The following SART3 variants were observed in gnomAD, a reference collection of about 807,000 sequenced individuals.
SART3 encodes HIV-1 Tat-interacting protein of 110kDa.
SART3 carries 44 observed loss-of-function variants against 122.3 expected under a neutral mutation model. The ratio of observed to expected loss-of-function variants is 0.36; its 90% CI spans 0.28 to 0.46. The LOEUF (loss-of-function observed/expected upper bound fraction) is 0.46, where lower values mean the gene tolerates loss of function less well. SART3 is among the 20% of genes least tolerant of loss of function. The probability of loss-of-function intolerance (pLI) is 1.00; values close to 1 mark genes in which losing one functional copy is unlikely to be tolerated. For synonymous variants in SART3, 442 were observed against 454.0 expected (o/e 0.97, Z 0.34); for missense variants, 1,101 against 1,229.0 (o/e 0.90, Z 1.56).
chr12:108,542,680 C>A, intron 6 of SART3: 1 of 349,148 alleles, frequency 2.9e-6, no homozygotes, highest in South Asian at 2.4e-5. Context: ...CAAAATTAAA[C>A]AATATATTAA....
chr12:108,538,524 G>C (rs781686340), intron 7 of SART3, among the ~76,000 whole-genome samples: 2 of 152,150 alleles, frequency 1.3e-5, no homozygotes. Flanking sequence ...TTCTGGATTT[G>C]CTTCAAAGTA....
At chr12:108,558,035 G>T (rs947771296) in intron 1 of SART3, among the ~76,000 whole-genome samples, 5 of 152,066 alleles carry the variant, frequency 3.3e-5, no homozygotes, top group South Asian at 2.1e-4. Flanking sequence ...CAGGCATGGG[G>T]GTGCATGCCT....
chr12:108,545,309 G>C lies in SART3; in HGVS notation c.559C>G (p.Leu187Val). ...VKDYICPNIWLEYGQYSVGGI... is the reference protein window; with the variant it reads ...VKDYICPNIWVEYGQYSVGGI... ...CCAACTGAGTACTGGCCATACTCTA[G>C]CCAAATGTTAGGACCTAAAAATAAG... The change falls in exon 4 of 19, where the codon CTA becomes GTA. Residue 187 changes from leucine to valine, a missense_variant. Around this residue, in one of 2 missense-constraint regions of SART3, gnomAD observed 885 missense variants for 1,080.1 expected, o/e 0.82. Transcript: ENST00000546815. 6.2e-7 allele frequency: 1 copy of C among 1,614,148 alleles called. No individual in the cohort carries two copies. Among genetic ancestry groups the C allele is most frequent in the Non-Finnish European group, 8.5e-7 (1 of 1,180,004 alleles).
chr12:108,531,984 C>A (rs553466288), intron 13 of SART3: 4 of 500,250 alleles, frequency 8.0e-6, no homozygotes, highest in South Asian at 2.0e-5. Context: ...GTCCCCCCCA[C>A]AGAGAATTAG....
chr12:108,530,097 T>G (rs768167756), intron 15 of SART3, 45 bp downstream of exon 15: 6 of 1,610,308 alleles, frequency 3.7e-6, no homozygotes, highest in Non-Finnish European at 3.4e-6. Context: ...GCAACTTCTC[T>G]AACTTTAAGA....
At chr12:108,532,650 C>T (rs889514882) in intron 12 of SART3, 3 of 363,540 alleles carry the variant, frequency 8.3e-6, no homozygotes, top group Admixed American at 3.8e-5. Flanking sequence ...AGTCCAACAG[C>T]TCTCTGTAAC....
rs1053308833 is a variant in SART3, at chr12:108,545,998, T to C, written c.545-675A>G. On this transcript the variant is annotated intron_variant, in intron 3 of 18. Coordinates refer to ENST00000546815, the MANE Select transcript of SART3 (RefSeq NM_014706.4). ...AAAAAAAAAAAACACACATATAATA[T>C]AGTTTTATATTCATAAAACACCGCT... 4.1e-5 allele frequency among the ~76,000 whole-genome samples: 6 copies of C among 146,322 alleles called. No homozygotes were observed. The South Asian group carries it at 1.1e-3, about 27-fold the overall frequency.
At chr12:108,532,146 G>A in intron 13 of SART3, 76 bp downstream of exon 13, 1 of 1,265,114 alleles carries the variant, frequency 7.9e-7, no homozygotes. Context: ...TCCCCAGACT[G>A]TAACCAGATG....
intron 12 of SART3, chr12:108,532,660 C>G (rs1872730979): frequency 2.9e-6 from 1 of 343,184 alleles, no homozygotes; most frequent in Middle Eastern, 1.0e-3. Flanking sequence ...CTCTCTGTAA[C>G]CTGATACAGT....
chr12:108,542,962 C>A lies in SART3; in HGVS notation c.906+66G>T, dbSNP rs2136681685. ...AAAACATTTTAAAGATACTGTTTAA[C>A]TCGCAACTATCCATCAGGGAAAGGT... On this transcript the variant is annotated intron_variant, in intron 6 of 18. Transcript: ENST00000546815. 6 of 1,598,078 alleles carry A rather than the reference C, an allele frequency of 3.8e-6. No individual in the cohort carries two copies. The East Asian group carries it at 1.3e-4, about 36-fold the overall frequency.
At position 108,536,499 on chromosome 12, in the gene SART3, G is replaced by A. The variant is rs771902987; in HGVS notation, c.1446+15C>T. ...AATGATGGATGAAAGTGCTAGATGT[G>A]TCAAAAACATTTACCTCAATCCTAG... On this transcript the variant is annotated intron_variant, in intron 11 of 18. Transcript: ENST00000546815. The A allele has an allele frequency of 6.2e-6, 10 of 1,613,336 alleles. No homozygotes were observed. The highest frequency in any genetic ancestry group is 1.1e-5 in the South Asian group (1 of 91,064).
At position 108,547,987 on chromosome 12, in the gene SART3, G is replaced by A. The variant is rs375040265; in HGVS notation, c.444C>T (p.Leu148=). Residue 148 remains leucine (L), a synonymous_variant, in exon 3 of 19, where the codon CTC becomes CTT. Transcript: ENST00000546815. ...MSEIFPLTEE[L]WLEWLHDEIS... Reference sequence around the variant, plus strand: ...TCTCGTCATGCAGCCACTCCAGCCAGAGCTCTACGAGACAAAAATACTTCC... The same window carrying A: ...TCTCGTCATGCAGCCACTCCAGCCAAAGCTCTACGAGACAAAAATACTTCC... The A allele has an allele frequency of 3.2e-5, 52 of 1,612,562 alleles. No individual in the cohort carries two copies. In the African/African-American group the frequency reaches 6.0e-4, roughly 19 times the overall value.
intron 1 of SART3, among the ~76,000 whole-genome samples, chr12:108,552,450 T>A (rs60616769): frequency 7.2e-6 from 1 of 139,606 alleles, no homozygotes. Flanking sequence ...TATGGCTAAG[T>A]AGACAATCTT....
At chr12:108,549,009 C>T (rs1321715995) in intron 2 of SART3, 79 bp downstream of exon 2, 12 of 1,592,952 alleles carry the variant, frequency 7.5e-6, no homozygotes, top group African/African-American at 2.7e-5. Context: ...CTACAAGGAG[C>T]ATGTCCCACT....
intron 18 of SART3, 96 bp from the exon 19 acceptor site, chr12:108,523,730 G>T: frequency 9.9e-7 from 1 of 1,014,160 alleles, no homozygotes; most frequent in Non-Finnish European, 1.5e-6. Context: ...AATATAACCA[G>T]AAGTTAAAAG....
chr12:108,528,307 A>T (rs1268775105), intron 15 of SART3, among the ~76,000 whole-genome samples: 3 of 151,460 alleles, frequency 2.0e-5, no homozygotes, highest in Non-Finnish European at 4.4e-5. Context: ...ACATGGTGAA[A>T]CCCCGTCTCT....
At chr12:108,559,436 TG>T (rs1180719957) in intron 1 of SART3, among the ~76,000 whole-genome samples, 1 of 152,082 alleles carries the variant, frequency 6.6e-6, no homozygotes, top group Non-Finnish European at 1.5e-5. Context: ...GAGGCCAAGG[TG>T]GGTGGATCAC....
chr12:108,529,052 A>G (rs1177233214), intron 15 of SART3, among the ~76,000 whole-genome samples: 1 of 151,902 alleles, frequency 6.6e-6, no homozygotes, highest in Admixed American at 6.6e-5. Context: ...GAACCCGGGA[A>G]GCGGAGGTTG....
In SART3 at chr12:108,524,297, C is replaced by CGG; in HGVS notation, c.2714+18_2714+19insCC. 1 of 1,608,896 alleles carries CGG rather than the reference C, an allele frequency of 6.2e-7. No homozygotes were observed. Among genetic ancestry groups the CGG allele is most frequent in the Non-Finnish European group, 8.5e-7 (1 of 1,176,724 alleles). On this transcript the variant is annotated intron_variant, in intron 18 of 18. Coordinates refer to ENST00000546815, the MANE Select transcript of SART3 (RefSeq NM_014706.4). Reference sequence around the variant, plus strand: ...CAGCCAGGACGAAGTTTGCACTAGTCTACCATGCAAGCACTTACGCTCCGT... The same window carrying CGG: ...CAGCCAGGACGAAGTTTGCACTAGTCGGTACCATGCAAGCACTTACGCTCCGT...
Sources: gnomAD v4.1 joint callset for allele counts (sites outside exome capture counted in the v4.1 genomes callset) on GRCh38, gnomAD v4.1.1 for gene constraint, gnomAD v4.1.1 regional missense constraint, MANE v1.5 for transcripts, NCBI Gene and HGNC (gene_info 2026-07-23, HGNC 2026-07-21) for gene names.